Variants in SPG11 observed in about 807,000 individuals in gnomAD.
The protein encoded by SPG11 is SPG11 vesicle trafficking associated, spatacsin.
SPG11 carries 222 observed loss-of-function variants against 274.0 expected under a neutral mutation model. The ratio of observed to expected loss-of-function variants is 0.81; its 90% CI spans 0.73 to 0.91. The LOEUF (loss-of-function observed/expected upper bound fraction) is 0.91. Among genes scored for constraint, SPG11 ranks in the 40% least tolerant of loss-of-function variants. The probability of loss-of-function intolerance (pLI) is 0.00; values close to 1 mark genes in which losing one functional copy is unlikely to be tolerated. For missense variants in SPG11, 3,114 were observed against 2,872.7 expected (o/e 1.08, Z -1.92); for synonymous variants, 1,144 against 1,039.7 (o/e 1.10, Z -1.93).
chr15:44,606,152 A>T (rs924818735), intron 19 of SPG11, 61 bp from the exon 20 acceptor site: 1 of 1,473,034 alleles, frequency 6.8e-7, no homozygotes, highest in South Asian at 1.2e-5. Flanking sequence ...TAGGTAAAAA[A>T]AATTATATGA....
chr15:44,658,414 G>C (rs1006682711), intron 3 of SPG11, among the ~76,000 whole-genome samples: 2 of 151,186 alleles, frequency 1.3e-5, no homozygotes, highest in African/African-American at 4.9e-5. Context: ...TTAGAGACAA[G>C]AGGTAGACTA....
chr15:44,569,527 C>T (rs760218541), intron 34 of SPG11, 22 bp from the exon 35 acceptor site: 72 of 1,539,218 alleles, frequency 4.7e-5, no homozygotes, highest in East Asian at 7.0e-5. Flanking sequence ...GAGGACAGCT[C>T]GCATCAGCAT....
At chr15:44,565,182 T>G (rs1301878149) in intron 38 of SPG11, among the ~76,000 whole-genome samples, 1 of 152,228 alleles carries the variant, frequency 6.6e-6, no homozygotes, top group African/African-American at 2.4e-5. Flanking sequence ...CCTGACTTGC[T>G]GTACTAACCT....
chr15:44,651,072 C>G (rs2084760504), intron 6 of SPG11, among the ~76,000 whole-genome samples: 1 of 152,070 alleles, frequency 6.6e-6, no homozygotes, highest in Non-Finnish European at 1.5e-5. Context: ...TCAGTAACAG[C>G]TGGAAATTAG....
At chr15:44,569,180 A>G (rs1298194969) in intron 35 of SPG11, among the ~76,000 whole-genome samples, 2 of 146,560 alleles carry the variant, frequency 1.4e-5, no homozygotes, top group Non-Finnish European at 3.1e-5. Flanking sequence ...AAAAAAAAAG[A>G]AAAAGAAAAA....
chr15:44,586,412 G>A (rs965060869), intron 28 of SPG11, among the ~76,000 whole-genome samples: 3 of 151,924 alleles, frequency 2.0e-5, no homozygotes, highest in Admixed American at 6.6e-5. Flanking sequence ...TTGGGAGGCC[G>A]AGGTGGGTGG....
intron 14 of SPG11, 95 bp from the exon 15 acceptor site, chr15:44,620,498 C>T (rs750900254): frequency 1.9e-5 from 17 of 872,792 alleles, no homozygotes; most frequent in Non-Finnish European, 2.7e-5. Flanking sequence ...ACAATCTGGA[C>T]ATAGATATTT....
chr15:44,631,748 T>G (rs2084067817), intron 8 of SPG11, among the ~76,000 whole-genome samples: 1 of 147,118 alleles, frequency 6.8e-6, no homozygotes, highest in African/African-American at 2.5e-5. Context: ...CAAGTGATCC[T>G]CCCGCCTGGG....
At chr15:44,622,005 C>T (rs2083767324) in intron 13 of SPG11, 71 bp from the exon 14 acceptor site, 1 of 1,272,672 alleles carries the variant, frequency 7.9e-7, no homozygotes, top group East Asian at 2.5e-5. Context: ...TTTATCTGCT[C>T]AAGAACATCC....
rs3759871 is a variant in SPG11 at position 44,651,559 on chromosome 15, A to T, written c.1388T>A (p.Phe463Tyr). 6.2e-7 allele frequency: 1 copy of T among 1,613,906 alleles called. No individual in the cohort carries two copies. Among genetic ancestry groups the T allele is most frequent in the Non-Finnish European group, 8.5e-7 (1 of 1,179,978 alleles). ...WDLETQGMQC[F>Y]SLGTKCIPVD... The stretch of plus-strand genomic sequence containing the variant: ...AGGAATACACTTTGTGCCAAGGGAA[A>T]AACACTGCATGCCCTGGGTCTCCAA... The change falls in exon 6 of 40, where the codon TTT (phenylalanine) becomes TAT (tyrosine). Residue 463 changes from phenylalanine (F) to tyrosine (Y), a missense_variant. Coordinates refer to ENST00000261866, the MANE Select transcript of SPG11 (RefSeq NM_025137.4).
intron 26 of SPG11, 133 bp downstream of exon 26, chr15:44,595,126 T>A (rs371508683): frequency 1.1e-6 from 1 of 902,064 alleles, no homozygotes. Context: ...CAGTAAGTGG[T>A]ACTTCTAATA....
At chr15:44,644,207 T>C (rs1358306269) in intron 7 of SPG11, among the ~76,000 whole-genome samples, 1 of 151,430 alleles carries the variant, frequency 6.6e-6, no homozygotes, top group Non-Finnish European at 1.5e-5. Context: ...ACTAGTGAAC[T>C]GAATCCAGCA....
rs375706902 is a variant in SPG11, at chr15:44,563,094, C to G, written c.*27G>C. ...CATCTGTCAGAATCTGCTAACAGTA[C>G]AAGAAAACAGACACCTATGAAATCA... On this transcript the variant is annotated 3_prime_UTR_variant, in exon 40 of 40. Coordinates refer to ENST00000261866, the MANE Select transcript of SPG11 (RefSeq NM_025137.4). 72 of 1,610,610 alleles carry G rather than the reference C, an allele frequency of 4.5e-5. No homozygotes were observed. Among genetic ancestry groups the G allele is most frequent in the Non-Finnish European group, 5.9e-5 (70 of 1,177,258 alleles).
chr15:44,584,758 T>C (rs922359717), intron 29 of SPG11, among the ~76,000 whole-genome samples, 200 bp from the exon 30 acceptor site: 2 of 152,108 alleles, frequency 1.3e-5, no homozygotes, highest in Non-Finnish European at 2.9e-5. Flanking sequence ...GCCTCCCAGG[T>C]AGCTGGGACC....
At chr15:44,638,826 C>A (rs908047205) in intron 7 of SPG11, among the ~76,000 whole-genome samples, 1 of 151,960 alleles carries the variant, frequency 6.6e-6, no homozygotes, top group African/African-American at 2.4e-5. Flanking sequence ...GGAAACCCCA[C>A]CTCTATTAAA....
chr15:44,627,878 C>G (rs185015371), intron 10 of SPG11, among the ~76,000 whole-genome samples: 1 of 152,148 alleles, frequency 6.6e-6, no homozygotes, highest in South Asian at 2.1e-4. Flanking sequence ...CGTGAGCCAC[C>G]GTACCCGGAT....
chr15:44,580,650 G>C (rs182381625), intron 30 of SPG11, among the ~76,000 whole-genome samples: 1 of 152,176 alleles, frequency 6.6e-6, no homozygotes, highest in Admixed American at 6.5e-5. Context: ...AATTAGCTGG[G>C]TGTGGTGATG....
intron 30 of SPG11, among the ~76,000 whole-genome samples, chr15:44,576,288 G>A (rs1175553106): frequency 6.6e-6 from 1 of 151,492 alleles, no homozygotes; most frequent in East Asian, 2.0e-4. Context: ...AAATTTAAAT[G>A]TATATCAATA....
chr15:44,593,663 G>A (rs934869250), intron 26 of SPG11, among the ~76,000 whole-genome samples: 7 of 151,972 alleles, frequency 4.6e-5, no homozygotes, highest in African/African-American at 1.7e-4. Context: ...ACCACTTACT[G>A]AAGTATTTTG....
Sources: gnomAD v4.1 joint callset for allele counts (sites outside exome capture counted in the v4.1 genomes callset) on GRCh38, gnomAD v4.1.1 for gene constraint, MANE v1.5 for transcripts, NCBI Gene and HGNC (gene_info 2026-07-23, HGNC 2026-07-21) for gene names.